The following GALNT17 variants were observed in gnomAD, a reference collection of about 807,000 sequenced individuals.
GALNT17 encodes the protein polypeptide N-acetylgalactosaminyltransferase 17, also known as UDP-GalNAc:polypeptide N-acetylgalactosaminyltransferase-like 3.
A neutral mutation model predicts 63.7 loss-of-function variants in GALNT17; 29 were observed. The observed-to-expected ratio is 0.46, with a 90% confidence interval of 0.34 to 0.62. The LOEUF (loss-of-function observed/expected upper bound fraction) is 0.62. GALNT17 is among the 20% of genes least tolerant of loss of function. The probability of loss-of-function intolerance (pLI) is 0.01; values close to 1 mark genes in which losing one functional copy is unlikely to be tolerated. For missense variants in GALNT17, 603 were observed against 799.6 expected (o/e 0.75, Z 2.97); for synonymous variants, 305 against 318.3 (o/e 0.96, Z 0.45).
chr7:71,630,939 C>T (rs1790445356), intron 6 of GALNT17, among the ~76,000 whole-genome samples: 1 of 152,210 alleles, frequency 6.6e-6, no homozygotes, highest in African/African-American at 2.4e-5. Flanking sequence ...GGTACAGGTA[C>T]TTCAATTCGT....
At chr7:71,399,651 A>G (rs941320278) in intron 3 of GALNT17, among the ~76,000 whole-genome samples, 4 of 152,194 alleles carry the variant, frequency 2.6e-5, no homozygotes, top group African/African-American at 9.6e-5. Context: ...TAAATTCATC[A>G]TCTTATTCTG....
At chr7:71,428,523 T>A (rs919646521) in intron 5 of GALNT17, among the ~76,000 whole-genome samples, 3 of 152,170 alleles carry the variant, frequency 2.0e-5, no homozygotes, top group Non-Finnish European at 4.4e-5. Flanking sequence ...AACTGCAACC[T>A]CTGCCTCTGG....
intron 1 of GALNT17, among the ~76,000 whole-genome samples, chr7:71,142,012 C>CTG (rs201770661): frequency 0.25 from 31,368 of 124,478 alleles, 3,999 homozygotes; most frequent in Non-Finnish European, 0.27. Flanking sequence ...CCACATTTGG[C>CTG]TGTGTGTGTG....
At chr7:71,661,904 G>T (rs1237881399) in intron 6 of GALNT17, among the ~76,000 whole-genome samples, 1 of 152,310 alleles carries the variant, frequency 6.6e-6, no homozygotes, top group Non-Finnish European at 1.5e-5. Context: ...TGAGCTTCCT[G>T]CCACCTGTCT....
At chr7:71,605,806 A>AG (rs1234309314) in intron 6 of GALNT17, among the ~76,000 whole-genome samples, 1 of 152,220 alleles carries the variant, frequency 6.6e-6, no homozygotes, top group Non-Finnish European at 1.5e-5. Context: ...ATTTAGCCTA[A>AG]GGAAGGCTTG....
intron 6 of GALNT17, among the ~76,000 whole-genome samples, chr7:71,571,747 C>T (rs758116178): frequency 1.3e-5 from 2 of 152,140 alleles, no homozygotes; most frequent in Admixed American, 6.6e-5. Flanking sequence ...GGCACAGTGG[C>T]TTATGCCTGT....
At chr7:71,183,597 G>A (rs933446128) in intron 1 of GALNT17, among the ~76,000 whole-genome samples, 1 of 152,144 alleles carries the variant, frequency 6.6e-6, no homozygotes, top group African/African-American at 2.4e-5. Context: ...CAGAAATCCA[G>A]TGTCTGTTCC....
chr7:71,555,200 C>A (rs66782258), intron 5 of GALNT17, among the ~76,000 whole-genome samples: 45,631 of 150,082 alleles, frequency 0.3, 7,173 homozygotes, highest in Middle Eastern at 0.38. Context: ...TCAGGCCCCA[C>A]CCACAACTCT....
intron 5 of GALNT17, among the ~76,000 whole-genome samples, chr7:71,475,505 G>A (rs530273956): frequency 3.5e-4 from 54 of 152,252 alleles, no homozygotes; most frequent in African/African-American, 1.2e-3. Flanking sequence ...ATCTAATGCC[G>A]CTGCTGATCT....
In GALNT17 at chr7:71,157,906, C is replaced by T. The variant is rs188507890; in HGVS notation, c.238+24866C>T. Among the ~76,000 whole-genome samples the T allele has an allele frequency of 1.6e-4, 24 of 151,782 alleles. 1 individual carries two copies. Among genetic ancestry groups the T allele is most frequent in the Admixed American group, 9.2e-4 (14 of 15,246 alleles). The stretch of plus-strand genomic sequence containing the variant: ...GCCTTTTTGTGCTTGGTTGATTTCA[C>T]TTAAAATAATGTATGTCAGTTCCAT... On this transcript the variant is annotated intron_variant, in intron 1 of 10. Transcript: ENST00000333538.
chr7:71,519,698 A>C (rs1403334409), intron 5 of GALNT17, among the ~76,000 whole-genome samples: 5 of 152,134 alleles, frequency 3.3e-5, no homozygotes, highest in African/African-American at 1.2e-4. Context: ...TCCTGACCTC[A>C]GATGACGCAC....
intron 1 of GALNT17, among the ~76,000 whole-genome samples, chr7:71,210,082 C>G (rs1021682038): frequency 6.6e-6 from 1 of 152,114 alleles, no homozygotes; most frequent in African/African-American, 2.4e-5. Context: ...GCCACCATGC[C>G]TGGCTAATTT....
chr7:71,689,954 C>A (rs896332595), intron 9 of GALNT17, among the ~76,000 whole-genome samples: 1 of 151,920 alleles, frequency 6.6e-6, no homozygotes, highest in Non-Finnish European at 1.5e-5. Context: ...CTGCATGTGC[C>A]CGAGAAATGG....
intron 2 of GALNT17, among the ~76,000 whole-genome samples, chr7:71,369,767 G>A (rs548371166): frequency 3.7e-5 from 5 of 136,684 alleles, no homozygotes; most frequent in East Asian, 2.2e-4. Context: ...AGCTGAGATC[G>A]CACCATTGCG....
intron 5 of GALNT17, among the ~76,000 whole-genome samples, chr7:71,438,482 A>G (rs970767464): frequency 2.6e-5 from 4 of 152,224 alleles, no homozygotes; most frequent in Admixed American, 6.5e-5. Context: ...CCCAGGATCA[A>G]TACTTTGCAT....
At chr7:71,335,873 T>A in intron 2 of GALNT17, 140 bp downstream of exon 2, 1 of 717,510 alleles carries the variant, frequency 1.4e-6, no homozygotes, top group Non-Finnish European at 2.0e-6. Context: ...TAAATAAACT[T>A]AGTACTCCTG....
intron 6 of GALNT17, among the ~76,000 whole-genome samples, chr7:71,619,297 A>G (rs1048803479): frequency 6.6e-6 from 1 of 152,174 alleles, no homozygotes; most frequent in African/African-American, 2.4e-5. Context: ...ATCCATATGA[A>G]TTTTAGAATA....
chr7:71,399,477 T>A (rs763471050), intron 3 of GALNT17, among the ~76,000 whole-genome samples: 3 of 152,244 alleles, frequency 2.0e-5, no homozygotes, highest in Non-Finnish European at 2.9e-5. Flanking sequence ...GTTAACCCTC[T>A]GATTCTGCGT....
At chr7:71,322,355 T>G (rs1791632237) in intron 1 of GALNT17, among the ~76,000 whole-genome samples, 1 of 152,218 alleles carries the variant, frequency 6.6e-6, no homozygotes, top group Non-Finnish European at 1.5e-5. Context: ...ATAATACATG[T>G]AAGACATGTC....
Sources: gnomAD v4.1 joint callset for allele counts (sites outside exome capture counted in the v4.1 genomes callset) on GRCh38, gnomAD v4.1.1 for gene constraint, MANE v1.5 for transcripts, NCBI Gene and HGNC (gene_info 2026-07-23, HGNC 2026-07-21) for gene names.